APMAP: variants seen among roughly 807,000 people sequenced by gnomAD.
The protein encoded by APMAP is adipocyte plasma membrane-associated protein.
APMAP carries 33 observed loss-of-function variants against 43.6 expected under a neutral mutation model. That is an observed-to-expected ratio of 0.76 (90% CI 0.57 to 1.01). The LOEUF is 1.01. Among genes scored for constraint, APMAP ranks in the 50% least tolerant of loss-of-function variants. The probability of loss-of-function intolerance (pLI) is 0.00; values close to 1 mark genes in which losing one functional copy is unlikely to be tolerated. For missense variants in APMAP, 498 were observed against 540.7 expected (o/e 0.92, Z 0.78); for synonymous variants, 224 against 216.7 (o/e 1.03, Z -0.30).
Position 24,992,748 on chromosome 20 carries a change from C to T in APMAP, c.-60G>A, listed in dbSNP as rs1253689393. 1.5e-5 allele frequency: 19 copies of T among 1,279,760 alleles called. No homozygotes were observed. The African/African-American group carries it at 2.1e-4, about 14-fold the overall frequency. The allele number at this position is 1,279,760 out of a possible 1,614,324, so 79.3% of individuals were successfully genotyped here. A position where few individuals can be genotyped will look rare whatever the true frequency, so the allele number is the denominator to read the frequency against. On this transcript the variant is annotated 5_prime_UTR_variant, in exon 1 of 9. Transcript: ENST00000217456. ...TCACACTGAGCGGCGCCGGCTCAGA[C>T]TCCAGGCCCGCCCTCCCCCGTACGC...
At chr20:24,981,938 G>A (rs1048368822) in intron 2 of APMAP, among the ~76,000 whole-genome samples, 4 of 152,212 alleles carry the variant, frequency 2.6e-5, no homozygotes, top group African/African-American at 7.2e-5. Flanking sequence ...CTGGGATGGC[G>A]TGCATGGGGC....
intron 2 of APMAP, among the ~76,000 whole-genome samples, chr20:24,981,564 G>A (rs2088104923): frequency 6.6e-6 from 1 of 152,188 alleles, no homozygotes. Flanking sequence ...GTTTTATACA[G>A]TGCTTCTATT....
chr20:24,990,547 C>T (rs1260513418), intron 1 of APMAP, among the ~76,000 whole-genome samples: 1 of 152,218 alleles, frequency 6.6e-6, no homozygotes, highest in African/African-American at 2.4e-5. Context: ...AGTAATATGT[C>T]TTTCAAGGCT....
intron 2 of APMAP, among the ~76,000 whole-genome samples, chr20:24,981,824 T>C (rs2088106998): frequency 6.6e-6 from 1 of 152,252 alleles, no homozygotes; most frequent in Non-Finnish European, 1.5e-5. Flanking sequence ...GAAACATTCA[T>C]ATCCTTCTAT....
intron 1 of APMAP, among the ~76,000 whole-genome samples, chr20:24,985,899 T>C (rs1395402280): frequency 1.3e-5 from 2 of 151,972 alleles, no homozygotes; most frequent in East Asian, 3.9e-4. Flanking sequence ...CTGGGGAGGG[T>C]GCAGAAGGAT....
In APMAP at chr20:24,968,969, T is replaced by C. The variant is rs1418309585; in HGVS notation, c.964A>G (p.Thr322Ala). ...SSGGYWVGMS[T>A]IRPNPGFSML... ...GAAAACCCAGGGTTAGGGCGGATGG[T>C]CGACATGCCCACCCAGTACCCCCCA... Residue 322 changes from threonine to alanine, a missense_variant, in exon 8 of 9, where the codon ACC becomes GCC. Transcript: ENST00000217456. The C allele has an allele frequency of 6.2e-7, 1 of 1,613,990 alleles. No individual in the cohort carries two copies.
chr20:24,964,483 T>C, intron 8 of APMAP: 1 of 470,144 alleles, frequency 2.1e-6, no homozygotes, highest in Non-Finnish European at 4.4e-6. Context: ...GCAGCTCACA[T>C]TCAAAAAAAG....
Position 24,970,342 on chromosome 20 carries a change from T to C in APMAP, c.568A>G (p.Thr190Ala). 2 of 1,613,412 alleles carry C rather than the reference T, an allele frequency of 1.2e-6. No homozygotes were observed. The highest frequency in any genetic ancestry group is 1.7e-6 in the Non-Finnish European group (2 of 1,179,632). ...GACATGTTCTTCCCCTCAATGGGTG[T>C]CTCGGAGGACAGCAGCAGTTTCACT... ...REVKLLLSSE[T>A]PIEGKNMSFV... The change falls in exon 6 of 9, where the codon ACA (threonine) becomes GCA (alanine). Residue 190 changes from threonine to alanine, a missense_variant. Transcript: ENST00000217456.
chr20:24,991,873 G>A (rs2088195013), intron 1 of APMAP, among the ~76,000 whole-genome samples: 1 of 152,196 alleles, frequency 6.6e-6, no homozygotes, highest in South Asian at 2.1e-4. Context: ...TATTCTGAAA[G>A]ATGGGAGAGG....
intron 1 of APMAP, among the ~76,000 whole-genome samples, chr20:24,992,012 T>C (rs1173983427): frequency 6.6e-6 from 1 of 152,204 alleles, no homozygotes; most frequent in Admixed American, 6.5e-5. Context: ...ACTACTGTTC[T>C]CCACTCTTTC....
chr20:24,992,584 T>C lies in APMAP; in HGVS notation c.95+10A>G, dbSNP rs771142210. 2.8e-5 allele frequency: 43 copies of C among 1,525,564 alleles called. No homozygotes were observed. The highest frequency in any genetic ancestry group is 3.5e-5 in the Non-Finnish European group (40 of 1,132,036). The allele number at this position is 1,525,564 out of a possible 1,614,324, so 94.5% of individuals were successfully genotyped here. A position where few individuals can be genotyped will look rare whatever the true frequency, so the allele number is the denominator to read the frequency against. On this transcript the variant is annotated intron_variant, in intron 1 of 8. Transcript: ENST00000217456. ...CCGGCTCCAGCGCCCAGTCTGGGAGTCCGCCCTACCTGCCGTCCTTAGCCT... is the reference window on the plus strand; with the variant it reads ...CCGGCTCCAGCGCCCAGTCTGGGAGCCCGCCCTACCTGCCGTCCTTAGCCT...
Position 24,963,524 on chromosome 20 carries a change from G to A in APMAP, c.*289C>T. 2 of 419,982 alleles carry A rather than the reference G, an allele frequency of 4.8e-6. No homozygotes were observed. The highest frequency in any genetic ancestry group is 4.8e-5 in the East Asian group (1 of 20,664). 26.0% of individuals were successfully genotyped at this position (419,982 alleles called of 1,614,324 possible). ...TGCAAGGAGCTTCCCAAATCCTAGA[G>A]AATGACTGTACTTAGAAAGTTTTGT... is the stretch of plus-strand genomic sequence containing the variant. On this transcript the variant is annotated 3_prime_UTR_variant, in exon 9 of 9. Coordinates refer to ENST00000217456, the MANE Select transcript of APMAP (RefSeq NM_020531.3).
intron 3 of APMAP, among the ~76,000 whole-genome samples, chr20:24,976,145 T>C (rs75205449): frequency 0.013 from 1,977 of 152,340 alleles, 45 homozygotes; most frequent in African/African-American, 0.046. Context: ...GGTATGATGA[T>C]GAATTTTTAG....
chr20:24,979,432 G>A (rs1368242590), intron 2 of APMAP, among the ~76,000 whole-genome samples: 1 of 152,190 alleles, frequency 6.6e-6, no homozygotes, highest in Non-Finnish European at 1.5e-5. Flanking sequence ...TGAAGCAGGA[G>A]CCTGAGCTGG....
intron 1 of APMAP, 32 bp from the exon 2 acceptor site, chr20:24,984,051 G>C (rs1252806142): frequency 6.4e-7 from 1 of 1,556,872 alleles, no homozygotes; most frequent in Non-Finnish European, 8.9e-7. Context: ...AAGGCAATCA[G>C]CTGAGTCTCA....
intron 3 of APMAP, among the ~76,000 whole-genome samples, chr20:24,975,659 T>C (rs1284017881): frequency 6.6e-6 from 1 of 152,138 alleles, no homozygotes; most frequent in Non-Finnish European, 1.5e-5. Context: ...ATTTTGTAGA[T>C]ACAGACAAAT....
intron 1 of APMAP, among the ~76,000 whole-genome samples, chr20:24,991,174 T>C (rs1227469912): frequency 2.0e-5 from 3 of 152,240 alleles, no homozygotes; most frequent in Admixed American, 2.0e-4. Flanking sequence ...TTCAACACAC[T>C]GCACCTAATG....
At chr20:24,987,224 G>A (rs915603838) in intron 1 of APMAP, among the ~76,000 whole-genome samples, 1 of 152,210 alleles carries the variant, frequency 6.6e-6, no homozygotes, top group Non-Finnish European at 1.5e-5. Context: ...CTGGGCTCAA[G>A]TGATCCTCCT....
At chr20:24,972,447 G>A (rs555718645) in intron 4 of APMAP, among the ~76,000 whole-genome samples, 101 of 151,426 alleles carry the variant, frequency 6.7e-4, no homozygotes, top group Admixed American at 2.0e-3. Flanking sequence ...CTTATTGCAG[G>A]GTGTTATTGC....
Sources: allele counts gnomAD v4.1 joint callset (sites outside exome capture counted in the v4.1 genomes callset), GRCh38; gene constraint gnomAD v4.1.1; transcripts MANE v1.5; gene names NCBI Gene and HGNC (gene_info 2026-07-23, HGNC 2026-07-21).